CHMP2B: variants seen among roughly 807,000 people sequenced by gnomAD.
CHMP2B encodes the protein VPS2 homolog B.
A neutral mutation model predicts 29.8 loss-of-function variants in CHMP2B; 22 were observed. The observed-to-expected ratio is 0.74, with a 90% CI of 0.53 to 1.05. CHMP2B has a LOEUF of 1.05. Ranked by LOEUF, CHMP2B falls within the 50% of genes least tolerant of loss-of-function variation. The pLI, the probability that CHMP2B is intolerant of heterozygous loss-of-function variation, is 0.00. For missense variants in CHMP2B, 261 were observed against 252.2 expected, an observed-to-expected ratio of 1.03 and a Z score of -0.24; for synonymous variants, 78 against 75.8, an observed-to-expected ratio of 1.03 and a Z score of -0.15.
intron 1 of CHMP2B, among the ~76,000 whole-genome samples, chr3:87,231,466 T>C (rs1439199306): frequency 6.6e-6 from 1 of 152,308 alleles, no homozygotes. Context: ...TTTTCTTTCC[T>C]GTAGCTTCAT....
rs957689969 is a variant in CHMP2B, at chr3:87,243,931, G to C, written c.127-1783G>C. Among the ~76,000 whole-genome samples the C allele has an allele frequency of 5.3e-5, 8 of 149,648 alleles. 1 individual carries two copies. In the South Asian group the frequency reaches 6.4e-4, roughly 12 times the overall value. ...TGGCTAGTGGTTTATCAATTTGATT[G>C]ATCTCTTATTTAAAAAAAGAAAATA... is the stretch of plus-strand genomic sequence containing the variant. On this transcript the variant is annotated intron_variant, in intron 2 of 5. Transcript: ENST00000263780.
intron 1 of CHMP2B, among the ~76,000 whole-genome samples, chr3:87,239,852 G>C (rs1220000578): frequency 6.6e-6 from 1 of 152,196 alleles, no homozygotes; most frequent in East Asian, 1.9e-4. Flanking sequence ...GAAAGCTGAG[G>C]TTTCGAGTAT....
At position 87,255,221 on chromosome 3, in the gene CHMP2B, C is replaced by T. The variant is rs905872571; in HGVS notation, c.*1399C>T. On this transcript the variant is annotated 3_prime_UTR_variant, in exon 6 of 6. Transcript: ENST00000263780. ...ACGGATTGCTAGGAGGAATGAAAAA[C>T]TAAACTGTATAGTTTATATTCCGTA... The T allele has an allele frequency of 2.6e-5, 4 of 152,346 alleles. No individual in the cohort carries two copies. In the East Asian group the frequency reaches 5.8e-4, roughly 22 times the overall value. 9.4% of individuals were successfully genotyped at this position (152,346 alleles called of 1,614,324 possible). A position where few individuals can be genotyped will look rare whatever the true frequency, so the allele number is the denominator to read the frequency against.
At position 87,255,320 on chromosome 3, in the gene CHMP2B, T is replaced by C. The variant is rs1350865932; in HGVS notation, c.*1498T>C. 1 of 152,498 alleles carries C rather than the reference T, an allele frequency of 6.6e-6. No homozygotes were observed. The highest frequency in any genetic ancestry group is 2.4e-5 in the African/African-American group (1 of 41,450). The allele number at this position is 152,498 out of a possible 1,614,324, so 9.4% of individuals were successfully genotyped here. A position where few individuals can be genotyped will look rare whatever the true frequency, so the allele number is the denominator to read the frequency against. ...AATACACAGTTTCTCTTAACAGTGA[T>C]GGGTGAAAACATTTTACCGGATTAT... On this transcript the variant is annotated 3_prime_UTR_variant, in exon 6 of 6. Coordinates refer to ENST00000263780, the MANE Select transcript of CHMP2B (RefSeq NM_014043.4).
At chr3:87,249,210 G>A (rs1289146666) in intron 3 of CHMP2B, among the ~76,000 whole-genome samples, 1 of 152,118 alleles carries the variant, frequency 6.6e-6, no homozygotes, top group Non-Finnish European at 1.5e-5. Flanking sequence ...GAAAGGTATA[G>A]TAAAAATGCA....
At chr3:87,250,388 T>G (rs1420413389) in intron 4 of CHMP2B, among the ~76,000 whole-genome samples, 1 of 151,998 alleles carries the variant, frequency 6.6e-6, no homozygotes, top group African/African-American at 2.4e-5. Context: ...GTTTTTGTCT[T>G]TTTGAATATA....
intron 2 of CHMP2B, among the ~76,000 whole-genome samples, chr3:87,242,545 CAT>C (rs1706137018): frequency 6.6e-6 from 1 of 152,098 alleles, no homozygotes; most frequent in Non-Finnish European, 1.5e-5. Context: ...GTGCCTAACT[CAT>C]AGTCAGTAAT....
chr3:87,253,771 A>G lies in CHMP2B; in HGVS notation c.591A>G (p.Thr197=). ...SLPSASTSKA[T]ISDEEIERQL... Reference sequence around the variant, plus strand: ...CATCTGCCTCTACTTCAAAGGCTACAATCTCAGATGAAGAGATTGAACGGC... The same window carrying G: ...CATCTGCCTCTACTTCAAAGGCTACGATCTCAGATGAAGAGATTGAACGGC... Residue 197 remains threonine (T), a synonymous_variant, in exon 6 of 6, where the codon ACA becomes ACG. Coordinates refer to ENST00000263780, the MANE Select transcript of CHMP2B (RefSeq NM_014043.4). 1 of 1,612,600 alleles carries G rather than the reference A, an allele frequency of 6.2e-7. No individual in the cohort carries two copies. Among genetic ancestry groups the G allele is most frequent in the South Asian group, 1.1e-5 (1 of 91,066 alleles).
At chr3:87,251,745 T>C (rs552415923) in intron 4 of CHMP2B, among the ~76,000 whole-genome samples, 1 of 152,104 alleles carries the variant, frequency 6.6e-6, no homozygotes, top group Non-Finnish European at 1.5e-5. Flanking sequence ...GGAAATCTTA[T>C]ACTATACCTC....
At chr3:87,230,140 G>C (rs75140806) in intron 1 of CHMP2B, among the ~76,000 whole-genome samples, 4,099 of 152,152 alleles carry the variant, frequency 0.027, 77 homozygotes, top group African/African-American at 0.042. Flanking sequence ...ATTTAGGGAA[G>C]CTAATTATGA....
At chr3:87,239,370 A>G (rs745435476) in intron 1 of CHMP2B, among the ~76,000 whole-genome samples, 2 of 151,970 alleles carry the variant, frequency 1.3e-5, no homozygotes, top group African/African-American at 2.4e-5. Context: ...ATTTACTTCT[A>G]TGTGTTCTAA....
chr3:87,242,231 T>G (rs1457191066), intron 2 of CHMP2B, among the ~76,000 whole-genome samples: 5 of 152,180 alleles, frequency 3.3e-5, no homozygotes, highest in Non-Finnish European at 5.9e-5. Flanking sequence ...ATTTCCAAGT[T>G]CTTAACCTTG....
intron 1 of CHMP2B, among the ~76,000 whole-genome samples, chr3:87,231,301 G>C (rs1705906588): frequency 6.6e-6 from 1 of 152,104 alleles, no homozygotes; most frequent in African/African-American, 2.4e-5. Context: ...AGTGTTGACA[G>C]TGCTTGATGT....
chr3:87,247,963 A>G (rs1031923268), intron 3 of CHMP2B, among the ~76,000 whole-genome samples: 11 of 152,128 alleles, frequency 7.2e-5, no homozygotes, highest in African/African-American at 2.4e-4. Flanking sequence ...TGTGAAGTAC[A>G]AAAAGTACAG....
At chr3:87,247,378 C>T (rs1706233543) in intron 3 of CHMP2B, among the ~76,000 whole-genome samples, 1 of 152,304 alleles carries the variant, frequency 6.6e-6, no homozygotes, top group East Asian at 1.9e-4. Flanking sequence ...ACATCATGTC[C>T]TTCTTTCACT....
intron 1 of CHMP2B, among the ~76,000 whole-genome samples, chr3:87,235,301 G>A (rs1575963662): frequency 1.3e-5 from 2 of 152,124 alleles, no homozygotes; most frequent in Admixed American, 1.3e-4. Flanking sequence ...ATTATTAAAT[G>A]TGGATTTAAT....
chr3:87,238,650 T>C (rs1379018303), intron 1 of CHMP2B, among the ~76,000 whole-genome samples: 2 of 152,200 alleles, frequency 1.3e-5, no homozygotes, highest in Non-Finnish European at 2.9e-5. Context: ...TTTTGATAGC[T>C]ACATGATACT....
At chr3:87,239,281 A>G (rs1274749266) in intron 1 of CHMP2B, among the ~76,000 whole-genome samples, 5 of 140,696 alleles carry the variant, frequency 3.6e-5, no homozygotes, top group Non-Finnish European at 6.4e-5. Context: ...ACCAAGTCCA[A>G]TTTATCTTTT....
At chr3:87,241,377 G>A (rs754689220) in intron 2 of CHMP2B, among the ~76,000 whole-genome samples, 5 of 151,966 alleles carry the variant, frequency 3.3e-5, no homozygotes, top group South Asian at 2.1e-4. Flanking sequence ...GTATAAACTC[G>A]TGAAACCATT....
Sources: gnomAD v4.1 joint callset for allele counts (sites outside exome capture counted in the v4.1 genomes callset) on GRCh38, gnomAD v4.1.1 for gene constraint, MANE v1.5 for transcripts, NCBI Gene and HGNC (gene_info 2026-07-23, HGNC 2026-07-21) for gene names.